Variants in SRGAP1 observed in about 807,000 individuals in gnomAD.
SRGAP1 encodes SLIT-ROBO Rho GTPase activating protein 1.
Under a neutral mutation model 121.9 loss-of-function variants are expected in SRGAP1, and 43 were observed. The observed-to-expected ratio is 0.35, with a 90% CI of 0.28 to 0.46. The LOEUF is 0.46. Ranked by LOEUF, SRGAP1 falls within the 20% of genes least tolerant of loss-of-function variation. The pLI, the probability that SRGAP1 is intolerant of heterozygous loss-of-function variation, is 1.00. For missense variants in SRGAP1, 1,102 were observed against 1,350.9 expected, an observed-to-expected ratio of 0.82 and a Z score of 2.89; for synonymous variants, 447 against 485.4, an observed-to-expected ratio of 0.92 and a Z score of 1.04.
At chr12:63,860,364 A>C (rs1452478691) in intron 1 of SRGAP1, among the ~76,000 whole-genome samples, 3 of 152,142 alleles carry the variant, frequency 2.0e-5, no homozygotes, top group African/African-American at 7.2e-5. Context: ...TTTTCCTTTT[A>C]ATATAATTAC....
At chr12:64,095,877 T>C (rs916141734) in intron 14 of SRGAP1, among the ~76,000 whole-genome samples, 1 of 152,238 alleles carries the variant, frequency 6.6e-6, no homozygotes, top group Non-Finnish European at 1.5e-5. Flanking sequence ...CATTTCCTTA[T>C]GTTAGAAACA....
chr12:63,869,950 G>A (rs1168129710), intron 1 of SRGAP1, among the ~76,000 whole-genome samples: 6 of 152,126 alleles, frequency 3.9e-5, no homozygotes, highest in Admixed American at 3.9e-4. Flanking sequence ...GAAACTTGAG[G>A]TCTTTTTCCC....
chr12:64,118,142 A>G (rs1040347158), intron 18 of SRGAP1, among the ~76,000 whole-genome samples: 3 of 152,158 alleles, frequency 2.0e-5, no homozygotes, highest in Admixed American at 2.0e-4. Flanking sequence ...TGGTAGTTCT[A>G]TTTTTAAGTT....
chr12:64,038,918 G>T (rs1237296930), intron 4 of SRGAP1: 1 of 152,136 alleles, frequency 6.6e-6, no homozygotes, highest in Non-Finnish European at 1.5e-5. Context: ...GCATTAAGCT[G>T]GTGGAGAAGC....
At chr12:63,896,092 G>A (rs918261574) in intron 1 of SRGAP1, among the ~76,000 whole-genome samples, 1 of 152,096 alleles carries the variant, frequency 6.6e-6, no homozygotes, top group East Asian at 1.9e-4. Flanking sequence ...TGTGACCTTG[G>A]CAAGTCTAAC....
Position 64,108,968 on chromosome 12 carries a change from G to T in SRGAP1, c.1850G>T (p.Arg617Leu), listed in dbSNP as rs201404379. The stretch of plus-strand genomic sequence containing the variant: ...CTCTATGAGAGGGCGCTTCACATCC[G>T]CAAACTCCTCCTGACTTTGCCCAGG... ...DNLYERALHIRKLLLTLPRSV... is the reference protein window; with the variant it reads ...DNLYERALHILKLLLTLPRSV... The change falls in exon 16 of 22, where the codon CGC (arginine) becomes CTC (leucine). Residue 617 changes from arginine to leucine, a missense_variant. This residue lies in a region of SRGAP1 where 747 missense variants were observed against 929.4 expected (regional missense o/e 0.80). Coordinates refer to ENST00000355086, the MANE Select transcript of SRGAP1 (RefSeq NM_020762.4). 4 of 1,602,270 alleles carry T rather than the reference G, an allele frequency of 2.5e-6. No individual in the cohort carries two copies. Among genetic ancestry groups the T allele is most frequent in the African/African-American group, 1.3e-5 (1 of 74,700 alleles).
chr12:64,019,525 G>A (rs1324814848), intron 4 of SRGAP1, among the ~76,000 whole-genome samples: 1 of 152,070 alleles, frequency 6.6e-6, no homozygotes, highest in Admixed American at 6.6e-5. Flanking sequence ...CAAGGCCAGA[G>A]GTCATATTCT....
chr12:64,107,883 A>G (rs2036370048), intron 15 of SRGAP1, among the ~76,000 whole-genome samples: 1 of 152,192 alleles, frequency 6.6e-6, no homozygotes, highest in Non-Finnish European at 1.5e-5. Flanking sequence ...CAGCTTTACA[A>G]AGTGGTAGTC....
At chr12:63,897,192 T>C (rs1303420842) in intron 1 of SRGAP1, among the ~76,000 whole-genome samples, 1 of 152,232 alleles carries the variant, frequency 6.6e-6, no homozygotes, top group Non-Finnish European at 1.5e-5. Flanking sequence ...GATTTTCTGT[T>C]TTTAAATAAA....
At position 63,977,713 on chromosome 12, in the gene SRGAP1, C is replaced by A. The variant is rs553835665; in HGVS notation, c.68-6234C>A. Reference sequence around the variant, plus strand: ...AAATTAATTGCAGCAGTTTGAAAAGCACACTCATTTTGTGCATTGTTCTTG... The same window carrying A: ...AAATTAATTGCAGCAGTTTGAAAAGAACACTCATTTTGTGCATTGTTCTTG... On this transcript the variant is annotated intron_variant, in intron 1 of 21. Transcript: ENST00000355086. 3.1e-3 allele frequency among the ~76,000 whole-genome samples: 464 copies of A among 152,052 alleles called. 2 individuals are homozygous for A. The highest frequency in any genetic ancestry group is 7.5e-3 in the South Asian group (36 of 4,816).
At chr12:64,041,410 G>C (rs1005030666) in intron 4 of SRGAP1, among the ~76,000 whole-genome samples, 1 of 148,504 alleles carries the variant, frequency 6.7e-6, no homozygotes, top group African/African-American at 2.5e-5. Context: ...TTTGAGGCAA[G>C]GTCTCACTCT....
At chr12:64,035,350 C>T (rs1385930494) in intron 4 of SRGAP1, among the ~76,000 whole-genome samples, 1 of 152,140 alleles carries the variant, frequency 6.6e-6, no homozygotes, top group African/African-American at 2.4e-5. Context: ...CCCACCTCTG[C>T]ATATATCCAC....
chr12:64,056,724 C>T (rs1415409261), intron 6 of SRGAP1, among the ~76,000 whole-genome samples: 4 of 152,258 alleles, frequency 2.6e-5, no homozygotes, highest in Admixed American at 2.0e-4. Flanking sequence ...TGCAACTTTT[C>T]CCTTAGTCAC....
At chr12:63,994,229 A>T (rs118096085) in intron 3 of SRGAP1, among the ~76,000 whole-genome samples, 1 of 152,172 alleles carries the variant, frequency 6.6e-6, no homozygotes, top group Non-Finnish European at 1.5e-5. Flanking sequence ...TATCTCTATT[A>T]TAAGCACTTA....
At chr12:64,059,402 T>G (rs1478196221) in intron 6 of SRGAP1, among the ~76,000 whole-genome samples, 3 of 152,186 alleles carry the variant, frequency 2.0e-5, no homozygotes, top group Admixed American at 1.3e-4. Flanking sequence ...CTTTCTCTTT[T>G]AAGTTGTTTA....
At position 64,160,263 on chromosome 12, in the gene SRGAP1, A is replaced by C. The variant is rs1231753957; in HGVS notation, c.*17591A>C. The C allele has an allele frequency of 6.6e-6, 1 of 152,196 alleles. No homozygotes were observed. Among genetic ancestry groups the C allele is most frequent in the Non-Finnish European group, 1.5e-5 (1 of 68,040 alleles). 9.4% of individuals were successfully genotyped at this position (152,196 alleles called of 1,614,324 possible). ...CAGCCATCTCAGCTAGTCATGACTG[A>C]CCTAGATTTAACACAGTATATCCTT... On this transcript the variant is annotated 3_prime_UTR_variant, in exon 22 of 22. Coordinates refer to ENST00000355086, the MANE Select transcript of SRGAP1 (RefSeq NM_020762.4).
At chr12:63,850,326 T>G (rs1403297890) in intron 1 of SRGAP1, among the ~76,000 whole-genome samples, 1 of 152,194 alleles carries the variant, frequency 6.6e-6, no homozygotes, top group African/African-American at 2.4e-5. Flanking sequence ...ATCTCAGCTC[T>G]GACAATCTAT....
intron 18 of SRGAP1, 36 bp from the exon 19 acceptor site, chr12:64,125,941 C>G (rs1297899789): frequency 4.4e-6 from 7 of 1,601,946 alleles, no homozygotes; most frequent in Non-Finnish European, 6.0e-6. Flanking sequence ...TCCTAACAAC[C>G]CTGTTTCTCG....
chr12:63,901,641 T>C (rs968885193), intron 1 of SRGAP1, among the ~76,000 whole-genome samples: 11 of 152,224 alleles, frequency 7.2e-5, no homozygotes, highest in African/African-American at 2.2e-4. Context: ...TTGTTTTTAG[T>C]CATACCTCCC....
Sources: allele counts gnomAD v4.1 joint callset (sites outside exome capture counted in the v4.1 genomes callset), GRCh38; gene constraint gnomAD v4.1.1; regional missense constraint gnomAD v4.1.1; transcripts MANE v1.5; gene names NCBI Gene and HGNC (gene_info 2026-07-23, HGNC 2026-07-21).